The following PKHD1 variants were observed in gnomAD, a reference collection of about 807,000 sequenced individuals.
PKHD1 encodes PKHD1 ciliary IPT domain containing fibrocystin/polyductin.
PKHD1 carries 291 observed loss-of-function variants against 412.0 expected under a neutral mutation model. The observed-to-expected ratio is 0.71, with a 90% CI of 0.64 to 0.78. The LOEUF is 0.78. Ranked by LOEUF, PKHD1 falls within the 30% of genes least tolerant of loss-of-function variation. The probability of loss-of-function intolerance (pLI) is 0.00; values close to 1 mark genes in which losing one functional copy is unlikely to be tolerated. For missense variants in PKHD1, 4,825 were observed against 4,950.7 expected (o/e 0.97, Z 0.76); for synonymous variants, 1,777 against 1,821.5 (o/e 0.98, Z 0.62).
At chr6:51,669,312 G>A (rs910330160) in intron 60 of PKHD1, among the ~76,000 whole-genome samples, 2 of 152,156 alleles carry the variant, frequency 1.3e-5, no homozygotes, top group South Asian at 2.1e-4. Context: ...CATTTCTTCT[G>A]TATTTTCTAG....
intron 62 of PKHD1, 37 bp downstream of exon 62, chr6:51,649,048 A>G: frequency 6.3e-7 from 1 of 1,596,630 alleles, no homozygotes; most frequent in Admixed American, 1.7e-5. Context: ...CATGCTACTT[A>G]GCTCTAAAGA....
chr6:51,858,550 G>A (rs1286103088), intron 48 of PKHD1, among the ~76,000 whole-genome samples: 1 of 152,134 alleles, frequency 6.6e-6, no homozygotes, highest in East Asian at 1.9e-4. Context: ...ATGATTATAA[G>A]TGTTTCAGGT....
At chr6:51,812,635 C>T (rs934692723) in intron 52 of PKHD1, among the ~76,000 whole-genome samples, 2 of 152,146 alleles carry the variant, frequency 1.3e-5, no homozygotes, top group African/African-American at 4.8e-5. Flanking sequence ...AAGTATTTTA[C>T]CGCAAAATAT....
intron 63 of PKHD1, among the ~76,000 whole-genome samples, chr6:51,646,893 G>T (rs988991000): frequency 6.6e-6 from 1 of 152,066 alleles, no homozygotes; most frequent in Non-Finnish European, 1.5e-5. Flanking sequence ...CCTCCATAGA[G>T]CAGAGTGGTC....
chr6:51,803,620 G>C (rs1309206428), intron 52 of PKHD1, among the ~76,000 whole-genome samples: 1 of 151,558 alleles, frequency 6.6e-6, no homozygotes, highest in Non-Finnish European at 1.5e-5. Context: ...CATTCACTTA[G>C]CAAATACTAC....
intron 60 of PKHD1, among the ~76,000 whole-genome samples, chr6:51,737,906 G>T (rs1211562021): frequency 6.6e-6 from 1 of 152,140 alleles, no homozygotes; most frequent in Non-Finnish European, 1.5e-5. Context: ...AGGAGAATGA[G>T]GGGGGTTTGT....
intron 43 of PKHD1, among the ~76,000 whole-genome samples, chr6:51,900,249 C>T (rs1781008322): frequency 6.6e-6 from 1 of 152,212 alleles, no homozygotes; most frequent in South Asian, 2.1e-4. Flanking sequence ...CTGGAGGCAT[C>T]ACCCTACCTG....
intron 60 of PKHD1, among the ~76,000 whole-genome samples, chr6:51,738,392 T>C (rs1479765220): frequency 6.6e-6 from 1 of 152,126 alleles, no homozygotes; most frequent in Non-Finnish European, 1.5e-5. Flanking sequence ...GTTGCAGATA[T>C]GTAAGGATAT....
chr6:51,742,139 T>C (rs1328841306), intron 60 of PKHD1, among the ~76,000 whole-genome samples: 2 of 152,220 alleles, frequency 1.3e-5, no homozygotes, highest in African/African-American at 2.4e-5. Context: ...TTTTTAGTGC[T>C]ACCCACATAT....
At chr6:51,752,122 T>C (rs1422804107) in intron 57 of PKHD1, among the ~76,000 whole-genome samples, 1 of 152,194 alleles carries the variant, frequency 6.6e-6, no homozygotes, top group African/African-American at 2.4e-5. Flanking sequence ...TCCTTCCTGA[T>C]TCCCCATCTT....
At chr6:51,909,189 A>C in intron 40 of PKHD1, 94 bp downstream of exon 40, 3 of 993,618 alleles carry the variant, frequency 3.0e-6, no homozygotes, top group South Asian at 2.6e-5. Context: ...AAATCCCTCA[A>C]ATCCCACATA....
At chr6:51,691,340 A>G (rs572810774) in intron 60 of PKHD1, among the ~76,000 whole-genome samples, 1 of 152,354 alleles carries the variant, frequency 6.6e-6, no homozygotes, top group Admixed American at 6.5e-5. Context: ...ATTCTATTAT[A>G]AAGACACATG....
intron 60 of PKHD1, among the ~76,000 whole-genome samples, chr6:51,669,422 T>C (rs1774491115): frequency 1.3e-5 from 2 of 151,782 alleles, no homozygotes; most frequent in African/African-American, 4.8e-5. Context: ...TTGCTTCTAT[T>C]TGATTCTTCT....
intron 35 of PKHD1, among the ~76,000 whole-genome samples, chr6:51,962,234 C>T (rs967915702): frequency 7.2e-5 from 11 of 152,060 alleles, no homozygotes; most frequent in Admixed American, 1.3e-4. Context: ...AGATCCATAA[C>T]CCAGCCACAG....
intron 60 of PKHD1, among the ~76,000 whole-genome samples, chr6:51,696,736 G>A (rs1251528283): frequency 6.6e-6 from 1 of 152,138 alleles, no homozygotes; most frequent in Non-Finnish European, 1.5e-5. Flanking sequence ...ACTGTGCGTG[G>A]GATAGAGCCC....
intron 36 of PKHD1, among the ~76,000 whole-genome samples, chr6:51,954,763 G>A (rs1025939850): frequency 1.3e-5 from 2 of 151,884 alleles, no homozygotes; most frequent in African/African-American, 4.8e-5. Context: ...TGTGATAGGA[G>A]TACCTACACC....
intron 37 of PKHD1, among the ~76,000 whole-genome samples, chr6:51,925,568 G>A (rs932659357): frequency 6.6e-6 from 1 of 152,034 alleles, no homozygotes; most frequent in East Asian, 1.9e-4. Context: ...TATCCAATCA[G>A]CTGAAGGCCT....
At chr6:51,837,567 G>A (rs12192764) in intron 50 of PKHD1, among the ~76,000 whole-genome samples, 2,701 of 152,066 alleles carry the variant, frequency 0.018, 40 homozygotes, top group Non-Finnish European at 0.028. Flanking sequence ...CTAGCCATGC[G>A]TACTGGTGCA....
chr6:51,929,636 T>G (rs1012362968), intron 37 of PKHD1, among the ~76,000 whole-genome samples: 1 of 152,178 alleles, frequency 6.6e-6, no homozygotes, highest in African/African-American at 2.4e-5. Flanking sequence ...ATGAAAATAG[T>G]GCATATTACA....
Sources: allele counts gnomAD v4.1 joint callset (sites outside exome capture counted in the v4.1 genomes callset), GRCh38; gene constraint gnomAD v4.1.1; transcripts MANE v1.5; gene names NCBI Gene and HGNC (gene_info 2026-07-23, HGNC 2026-07-21).